The following RASEF variants were observed in gnomAD, a reference collection of about 807,000 sequenced individuals.
RASEF encodes the protein ras and EF-hand domain-containing protein.
RASEF carries 68 observed loss-of-function variants against 90.1 expected under a neutral mutation model. The ratio of observed to expected loss-of-function variants is 0.75; its 90% CI spans 0.62 to 0.92. RASEF has a LOEUF of 0.92. Ranked by LOEUF, RASEF falls within the 40% of genes least tolerant of loss-of-function variation. The probability of loss-of-function intolerance (pLI) is 0.00; values close to 1 mark genes in which losing one functional copy is unlikely to be tolerated. For missense variants in RASEF, 949 were observed against 937.2 expected (o/e 1.01, Z -0.16); for synonymous variants, 331 against 345.2 (o/e 0.96, Z 0.46).
chr9:82,995,573 G>C (rs62561894), intron 14 of RASEF, among the ~76,000 whole-genome samples: 4,389 of 152,212 alleles, frequency 0.029, 56 homozygotes, highest in Middle Eastern at 0.058. Flanking sequence ...AGCCTCCCAA[G>C]CAGCTGGGAC....
At chr9:83,140,400 A>G in the RASEF span, among the ~76,000 whole-genome samples, 1 of 152,226 alleles carries the variant, frequency 6.6e-6, no homozygotes. Context: ...TGGCTCATAG[A>G]TAGAAAACTA....
chr9:83,125,937 A>C, the RASEF span, among the ~76,000 whole-genome samples: 7 of 152,170 alleles, frequency 4.6e-5, no homozygotes, highest in Non-Finnish European at 1.0e-4. Context: ...ATGTGTTGAG[A>C]TCCATGAACC....
intron 5 of RASEF, among the ~76,000 whole-genome samples, chr9:83,011,566 A>AG (rs1564076601): frequency 6.6e-6 from 1 of 150,520 alleles, no homozygotes; most frequent in African/African-American, 2.4e-5. Flanking sequence ...AAAAAAAAAA[A>AG]AAAAAAAAAA....
At chr9:83,153,783 G>A in the RASEF span, among the ~76,000 whole-genome samples, 3 of 152,158 alleles carry the variant, frequency 2.0e-5, no homozygotes, top group South Asian at 2.1e-4. Flanking sequence ...CACAAGCTTC[G>A]CCTAGCCATA....
At chr9:83,072,924 CTTT>C in the RASEF span, among the ~76,000 whole-genome samples, 1 of 152,180 alleles carries the variant, frequency 6.6e-6, no homozygotes, top group African/African-American at 2.4e-5. Context: ...GTTATTTACT[CTTT>C]TAAGCATCTT....
the RASEF span, among the ~76,000 whole-genome samples, chr9:83,113,157 T>C: frequency 1.3e-5 from 2 of 152,204 alleles, no homozygotes; most frequent in Non-Finnish European, 2.9e-5. Flanking sequence ...TGTGACCATT[T>C]CATGGACAGT....
intron 1 of RASEF, chr9:83,049,385 C>T (rs559572836): frequency 1.1e-6 from 1 of 946,734 alleles, no homozygotes; most frequent in Admixed American, 6.2e-5. Context: ...TCATACATGG[C>T]TATCTTGAAC....
chr9:83,086,012 A>G, the RASEF span, among the ~76,000 whole-genome samples: 9 of 152,340 alleles, frequency 5.9e-5, no homozygotes, highest in African/African-American at 1.2e-4. Flanking sequence ...CACTGCACAC[A>G]TTCCAAACTG....
intron 14 of RASEF, among the ~76,000 whole-genome samples, chr9:82,995,529 C>T (rs1408539231): frequency 6.6e-6 from 1 of 152,088 alleles, no homozygotes; most frequent in African/African-American, 2.4e-5. Context: ...ACTTCAGCCT[C>T]GACCTCCTAG....
At chr9:83,032,949 G>C (rs1439236336) in intron 1 of RASEF, among the ~76,000 whole-genome samples, 2 of 152,056 alleles carry the variant, frequency 1.3e-5, no homozygotes, top group East Asian at 3.9e-4. Flanking sequence ...GGACATCTCT[G>C]GGAACCAGTT....
At chr9:82,991,290 G>T (rs1828809562) in intron 15 of RASEF, among the ~76,000 whole-genome samples, 1 of 152,124 alleles carries the variant, frequency 6.6e-6, no homozygotes. Flanking sequence ...ATCCTTCCTT[G>T]CAGTTAAGAT....
chr9:83,059,824 C>T (rs2117913171), intron 1 of RASEF, among the ~76,000 whole-genome samples: 1 of 152,262 alleles, frequency 6.6e-6, no homozygotes, highest in East Asian at 1.9e-4. Context: ...GGTCACACAA[C>T]TCCTTGGACA....
the RASEF span, among the ~76,000 whole-genome samples, chr9:83,203,966 A>G: frequency 6.6e-6 from 1 of 152,238 alleles, no homozygotes; most frequent in Non-Finnish European, 1.5e-5. Context: ...AAGATGTTTG[A>G]AAAACTCATT....
chr9:83,083,549 T>C, the RASEF span, among the ~76,000 whole-genome samples: 1 of 152,088 alleles, frequency 6.6e-6, no homozygotes, highest in Non-Finnish European at 1.5e-5. Context: ...TGAAACAAGA[T>C]GTACATTTCA....
the RASEF span, among the ~76,000 whole-genome samples, chr9:83,208,199 T>C: frequency 6.6e-6 from 1 of 152,150 alleles, no homozygotes; most frequent in Non-Finnish European, 1.5e-5. Context: ...TGGGCGTCCC[T>C]GCAGGCTGTA....
the RASEF span, among the ~76,000 whole-genome samples, chr9:83,136,896 G>A: frequency 6.6e-6 from 1 of 151,892 alleles, no homozygotes; most frequent in Non-Finnish European, 1.5e-5. Flanking sequence ...TATATGAACT[G>A]TTTAAACATG....
chr9:83,069,128 G>T, the RASEF span, among the ~76,000 whole-genome samples: 1 of 152,090 alleles, frequency 6.6e-6, no homozygotes. Context: ...AAACTTGAGC[G>T]TTTCGACCAC....
the RASEF span, among the ~76,000 whole-genome samples, chr9:83,102,426 G>A: frequency 2.0e-5 from 3 of 152,170 alleles, no homozygotes; most frequent in South Asian, 2.1e-4. Flanking sequence ...CACCTTAAGC[G>A]ATTCAGCTTT....
chr9:83,009,599 A>T, intron 6 of RASEF, 42 bp downstream of exon 6: 1 of 1,188,118 alleles, frequency 8.4e-7, no homozygotes, highest in Non-Finnish European at 1.2e-6. Context: ...TGATCATCTC[A>T]ATATTCTACT....
Sources: gnomAD v4.1 joint callset for allele counts (sites outside exome capture counted in the v4.1 genomes callset) on GRCh38, gnomAD v4.1.1 for gene constraint, MANE v1.5 for transcripts, NCBI Gene and HGNC (gene_info 2026-07-23, HGNC 2026-07-21) for gene names.